Variants in CTPS2 observed in about 807,000 individuals in gnomAD.
The protein encoded by CTPS2 is CTP synthase II.
CTPS2 carries 19 observed loss-of-function variants against 46.8 expected under a neutral mutation model. The ratio of observed to expected loss-of-function variants is 0.41; its 90% CI spans 0.28 to 0.60. The LOEUF is 0.60. CTPS2 is among the 20% of genes least tolerant of loss of function. CTPS2 has a pLI of 0.35. For missense variants in CTPS2, 286 were observed against 447.6 expected, an observed-to-expected ratio of 0.64 and a Z score of 3.26; for synonymous variants, 151 against 165.2, an observed-to-expected ratio of 0.91 and a Z score of 0.66.
At chrX:16,637,617 T>C (rs1931823401) in intron 14 of CTPS2, among the ~76,000 whole-genome samples, 1 of 112,723 alleles carries the variant, frequency 8.9e-6, no homozygotes, top group Admixed American at 9.4e-5. Flanking sequence ...TCTCAATAGA[T>C]ATAATTTTAG....
intron 10 of CTPS2, among the ~76,000 whole-genome samples, chrX:16,672,312 C>T (rs1213996063): frequency 3.6e-5 from 4 of 111,577 alleles, no homozygotes; most frequent in East Asian, 2.8e-4. Flanking sequence ...GATCCCTTCA[C>T]GACCGACAAG....
At chrX:16,609,850 A>G (rs754385783) in intron 16 of CTPS2, among the ~76,000 whole-genome samples, 165 bp from the exon 17 acceptor site, 131 of 112,488 alleles carry the variant, frequency 1.2e-3, no homozygotes, top group African/African-American at 3.9e-3. Context: ...CCTTCGTGGA[A>G]TTTCAAATTG....
intron 13 of CTPS2, among the ~76,000 whole-genome samples, chrX:16,664,232 C>T (rs1470866999): frequency 2.7e-5 from 3 of 112,384 alleles, no homozygotes; most frequent in Non-Finnish European, 5.6e-5. Flanking sequence ...GTGGCACCTA[C>T]TGGTAAAATC....
intron 14 of CTPS2, among the ~76,000 whole-genome samples, chrX:16,630,336 C>T (rs1283670229): frequency 9.8e-6 from 1 of 102,255 alleles, no homozygotes; most frequent in African/African-American, 3.6e-5. Flanking sequence ...CTCACTGCAA[C>T]CTCTGCCTCC....
At chrX:16,636,548 G>A (rs1031032573) in intron 14 of CTPS2, among the ~76,000 whole-genome samples, 1 of 112,167 alleles carries the variant, frequency 8.9e-6, no homozygotes, top group Non-Finnish European at 1.9e-5. Context: ...GACAGCTAAT[G>A]GGCACAGGGT....
At chrX:16,615,610 C>T (rs73630555) in intron 16 of CTPS2, among the ~76,000 whole-genome samples, 90 of 111,568 alleles carry the variant, frequency 8.1e-4, no homozygotes, top group African/African-American at 2.8e-3. Flanking sequence ...TGGGATGCTA[C>T]ACAGAAAGGC....
At chrX:16,671,363 T>C (rs1294241498) in intron 10 of CTPS2, among the ~76,000 whole-genome samples, 1 of 111,201 alleles carries the variant, frequency 9.0e-6, no homozygotes, top group African/African-American at 3.3e-5. Context: ...CTTTACTCTA[T>C]GGACTCACCC....
chrX:16,596,156 G>C (rs914801617), intron 17 of CTPS2, among the ~76,000 whole-genome samples: 7 of 109,999 alleles, frequency 6.4e-5, no homozygotes, highest in Non-Finnish European at 1.1e-4. Flanking sequence ...TTACAGGTGT[G>C]AGCCACCATG....
intron 13 of CTPS2, chrX:16,654,271 G>C (rs1932768654): frequency 2.4e-6 from 1 of 417,300 alleles, no homozygotes; most frequent in African/African-American, 2.5e-5. Flanking sequence ...TTAGCTATTA[G>C]ATGCATGTCA....
chrX:16,639,777 A>AAAAG (rs10682704), intron 13 of CTPS2, among the ~76,000 whole-genome samples: 14,340 of 72,449 alleles, frequency 0.2, 1,432 homozygotes, highest in Non-Finnish European at 0.22. Context: ...AAAGGAAAAG[A>AAAAG]AAAGAAAGAA....
intron 14 of CTPS2, chrX:16,638,862 G>T: frequency 2.2e-6 from 1 of 454,425 alleles, no homozygotes. Flanking sequence ...CAGGAGCATC[G>T]GTAACTCACA....
At chrX:16,599,476 CTTTTTTTTTTTT>C (rs56794396) in intron 17 of CTPS2, among the ~76,000 whole-genome samples, 1 of 86,212 alleles carries the variant, frequency 1.2e-5, no homozygotes, top group African/African-American at 4.6e-5. Flanking sequence ...TCTTTTTTTT[CTTTTTTTTTTTT>C]TTTTTGAGAC....
chrX:16,590,218 T>G (rs775863048), intron 18 of CTPS2, among the ~76,000 whole-genome samples: 2 of 102,261 alleles, frequency 2.0e-5, no homozygotes, highest in African/African-American at 6.9e-5. Context: ...TATTTTATTT[T>G]ATGTTTTATT....
intron 14 of CTPS2, among the ~76,000 whole-genome samples, chrX:16,628,139 A>G (rs1312746135): frequency 2.7e-5 from 3 of 110,581 alleles, no homozygotes; most frequent in Admixed American, 9.7e-5. Context: ...ACTTTCTCCT[A>G]TATTTCTCCT....
At chrX:16,685,710 A>G (rs1410173533) in intron 8 of CTPS2, among the ~76,000 whole-genome samples, 1 of 106,078 alleles carries the variant, frequency 9.4e-6, no homozygotes, top group Non-Finnish European at 1.9e-5. Flanking sequence ...AATACAAAAA[A>G]AAAAAAATTA....
intron 2 of CTPS2, among the ~76,000 whole-genome samples, chrX:16,700,247 G>A (rs903352087): frequency 7.4e-5 from 8 of 107,790 alleles, no homozygotes; most frequent in African/African-American, 2.7e-4. Context: ...CTCCTGAGTA[G>A]CTGGGATTAC....
rs1260699811 is a variant in CTPS2, at chrX:16,667,654, G to A, written c.1252+8C>T. ...AAATAAATGGTCATTAGCAAACCTC[G>A]AACTTACCTTTCAAGTTAAGGCAGT... On this transcript the variant is annotated splice_region_variant and intron_variant, in intron 12 of 18. Transcript: ENST00000359276. 9.1e-6 allele frequency: 11 copies of A among 1,208,394 alleles called. No homozygotes were observed. Among genetic ancestry groups the A allele is most frequent in the South Asian group, 7.0e-5 (4 of 56,744 alleles).
chrX:16,689,219 C>T (rs1401629532), intron 8 of CTPS2, among the ~76,000 whole-genome samples: 1 of 112,467 alleles, frequency 8.9e-6, no homozygotes, highest in South Asian at 3.6e-4. Flanking sequence ...TTCCAGAATT[C>T]GAATTCCTTT....
chrX:16,620,354 A>T (rs1351720777), intron 14 of CTPS2, 22 bp from the exon 15 acceptor site: 2 of 1,134,576 alleles, frequency 1.8e-6, no homozygotes, highest in Non-Finnish European at 2.4e-6. Flanking sequence ...CAAGAGCGAG[A>T]TTAATATTAG....
Sources: gnomAD v4.1 joint callset for allele counts (sites outside exome capture counted in the v4.1 genomes callset) on GRCh38, gnomAD v4.1.1 for gene constraint, MANE v1.5 for transcripts, NCBI Gene and HGNC (gene_info 2026-07-23, HGNC 2026-07-21) for gene names.